SRD5A2: variants seen among roughly 807,000 people sequenced by gnomAD.
SRD5A2 encodes the protein 3-oxo-5-alpha-steroid 4-dehydrogenase 2.
In SRD5A2, 30 loss-of-function variants were observed where a neutral mutation model predicts 27.4. The observed-to-expected ratio is 1.10, with a 90% CI of 0.82 to 1.49. The LOEUF is 1.49. Ranked by LOEUF, SRD5A2 falls within the 40% of genes most tolerant of loss-of-function variation. The probability of loss-of-function intolerance (pLI) is 0.00; values close to 1 mark genes in which losing one functional copy is unlikely to be tolerated. For synonymous variants in SRD5A2, 141 were observed against 133.6 expected (o/e 1.06, Z -0.38); for missense variants, 348 against 323.4 (o/e 1.08, Z -0.58).
the SRD5A2 span, among the ~76,000 whole-genome samples, chr2:31,629,232 A>G: frequency 6.6e-6 from 1 of 152,146 alleles, no homozygotes; most frequent in African/African-American, 2.4e-5. Flanking sequence ...TAATAGAGCT[A>G]TAACACTCAC....
Position 31,523,419 on chromosome 2 carries a change from C to T in SRD5A2, c.*2777G>A, listed in dbSNP as rs1368011869. 4.6e-6 allele frequency: 1 copy of T among 218,002 alleles called. No homozygotes were observed. The highest frequency in any genetic ancestry group is 5.8e-5 in the Admixed American group (1 of 17,270). 13.5% of individuals were successfully genotyped at this position (218,002 alleles called of 1,614,324 possible). ...AAGCAGAAGAAGCATACATCTGACCCTCAAAGGGACAAAATGAGATGGCTG... is the reference window on the plus strand; with the variant it reads ...AAGCAGAAGAAGCATACATCTGACCTTCAAAGGGACAAAATGAGATGGCTG... On this transcript the variant is annotated 3_prime_UTR_variant, in exon 5 of 5. Coordinates refer to ENST00000622030, the MANE Select transcript of SRD5A2 (RefSeq NM_000348.4).
intron 1 of SRD5A2, among the ~76,000 whole-genome samples, chr2:31,569,025 C>T (rs1666796564): frequency 6.6e-6 from 1 of 152,206 alleles, no homozygotes. Flanking sequence ...TTCCCAGGCC[C>T]CTGAGAGCAC....
At chr2:31,550,397 CAAA>C (rs76664522) in intron 1 of SRD5A2, among the ~76,000 whole-genome samples, 1 of 133,554 alleles carries the variant, frequency 7.5e-6, no homozygotes, top group African/African-American at 2.7e-5. Context: ...TACCCTAATC[CAAA>C]AAAAAAAAAG....
chr2:31,555,693 AG>A (rs1346727136), intron 1 of SRD5A2, among the ~76,000 whole-genome samples: 1 of 152,202 alleles, frequency 6.6e-6, no homozygotes, highest in African/African-American at 2.4e-5. Flanking sequence ...TTAATAAATT[AG>A]GGTTTCACTT....
the SRD5A2 span, among the ~76,000 whole-genome samples, chr2:31,609,322 G>GA: frequency 4.5e-4 from 67 of 148,056 alleles, no homozygotes; most frequent in African/African-American, 1.5e-3. Context: ...TCTTTAAAAA[G>GA]AAAAAAAAAC....
chr2:31,561,635 T>C (rs1666626672), intron 1 of SRD5A2, among the ~76,000 whole-genome samples: 1 of 152,174 alleles, frequency 6.6e-6, no homozygotes, highest in Non-Finnish European at 1.5e-5. Flanking sequence ...CCACTCAGTA[T>C]CTTTCTTCCT....
intron 1 of SRD5A2, among the ~76,000 whole-genome samples, chr2:31,543,131 G>A (rs1324998170): frequency 6.6e-6 from 1 of 152,140 alleles, no homozygotes; most frequent in African/African-American, 2.4e-5. Flanking sequence ...TTAGAGATAA[G>A]AAGGCAGTGG....
upstream of SRD5A2, among the ~76,000 whole-genome samples, chr2:31,582,260 A>T (rs556644542): frequency 6.6e-6 from 1 of 151,682 alleles, no homozygotes; most frequent in South Asian, 2.1e-4. Flanking sequence ...ATCTCCATCC[A>T]CTTCTGCTGG....
At chr2:31,661,828 T>C in the SRD5A2 span, among the ~76,000 whole-genome samples, 3 of 152,188 alleles carry the variant, frequency 2.0e-5, no homozygotes, top group South Asian at 2.1e-4. Flanking sequence ...CATAGATCAC[T>C]TGGACTCTGC....
chr2:31,631,159 G>A, the SRD5A2 span, among the ~76,000 whole-genome samples: 23 of 152,134 alleles, frequency 1.5e-4, no homozygotes, highest in African/African-American at 3.1e-4. Context: ...TTGATGGGGC[G>A]TCTGGGTTGT....
At chr2:31,624,899 G>C in the SRD5A2 span, among the ~76,000 whole-genome samples, 2 of 152,082 alleles carry the variant, frequency 1.3e-5, no homozygotes, top group African/African-American at 4.8e-5. Flanking sequence ...TGGGTCAGTT[G>C]GTATTTCTAG....
intron 1 of SRD5A2, among the ~76,000 whole-genome samples, chr2:31,555,971 T>C (rs1572645272): frequency 1.3e-5 from 2 of 152,162 alleles, no homozygotes; most frequent in East Asian, 1.9e-4. Context: ...ACAGCCATCA[T>C]TGGTGAGATT....
At chr2:31,641,952 G>GA in the SRD5A2 span, among the ~76,000 whole-genome samples, 1 of 151,424 alleles carries the variant, frequency 6.6e-6, no homozygotes, top group Non-Finnish European at 1.5e-5. Context: ...AAATAAGTCT[G>GA]AAAAAAAAGA....
intron 1 of SRD5A2, among the ~76,000 whole-genome samples, chr2:31,538,044 G>A (rs1666060907): frequency 1.3e-5 from 2 of 152,136 alleles, no homozygotes; most frequent in South Asian, 2.1e-4. Context: ...GCGCAAAACA[G>A]ACAAAAGCAA....
chr2:31,589,278 C>T, the SRD5A2 span, among the ~76,000 whole-genome samples: 6 of 152,218 alleles, frequency 3.9e-5, no homozygotes, highest in African/African-American at 7.2e-5. Flanking sequence ...TGCCAGCCCC[C>T]GGGCCCTCAT....
At chr2:31,609,032 C>T in the SRD5A2 span, among the ~76,000 whole-genome samples, 1 of 151,978 alleles carries the variant, frequency 6.6e-6, no homozygotes, top group Admixed American at 6.6e-5. Context: ...TTTTCTCTAC[C>T]ACATGAGAAC....
chr2:31,636,480 G>C, the SRD5A2 span, among the ~76,000 whole-genome samples: 1 of 152,052 alleles, frequency 6.6e-6, no homozygotes, highest in East Asian at 1.9e-4. Context: ...TCTTTCTCTT[G>C]TCTAATTGCT....
the SRD5A2 span, among the ~76,000 whole-genome samples, chr2:31,635,630 C>T: frequency 4.6e-5 from 7 of 152,008 alleles, no homozygotes; most frequent in African/African-American, 1.4e-4. Flanking sequence ...AAAATCTTTG[C>T]CCAGACCAAC....
chr2:31,525,199 C>T lies in SRD5A2; in HGVS notation c.*997G>A, dbSNP rs1332387184. ...CACCTTCTTGAACAGGTCCTGAGAA[C>T]TACAAGGAAGAAGCTCCAGGAAAGG... On this transcript the variant is annotated 3_prime_UTR_variant, in exon 5 of 5. Transcript: ENST00000622030. 9.0e-6 allele frequency: 2 copies of T among 223,176 alleles called. No homozygotes were observed. The highest frequency in any genetic ancestry group is 5.7e-5 in the Admixed American group (1 of 17,424). 13.8% of individuals were successfully genotyped at this position (223,176 alleles called of 1,614,324 possible). A position where few individuals can be genotyped will look rare whatever the true frequency, so the allele number is the denominator to read the frequency against.
Sources: gnomAD v4.1 joint callset for allele counts (sites outside exome capture counted in the v4.1 genomes callset) on GRCh38, gnomAD v4.1.1 for gene constraint, MANE v1.5 for transcripts, NCBI Gene and HGNC (gene_info 2026-07-23, HGNC 2026-07-21) for gene names.